The following SNTG1 variants were observed in gnomAD, a reference collection of about 807,000 sequenced individuals.
SNTG1 encodes the protein syntrophin gamma 1, also known as gamma-1-syntrophin.
Under a neutral mutation model 74.7 loss-of-function variants are expected in SNTG1, and 39 were observed. The observed-to-expected ratio is 0.52, with a 90% CI of 0.40 to 0.68. The LOEUF (loss-of-function observed/expected upper bound fraction) is 0.68. Ranked by LOEUF, SNTG1 falls within the 30% of genes least tolerant of loss-of-function variation. The pLI is 0.00. For missense variants in SNTG1, 685 were observed against 609.5 expected (o/e 1.12, Z -1.30); for synonymous variants, 254 against 217.1 (o/e 1.17, Z -1.49).
chr8:50,164,092 C>CTTTTTTTTTTTTTTTTTTTTTT (rs3086088), intron 1 of SNTG1: 3 of 71,984 alleles, frequency 4.2e-5, no homozygotes, highest in Admixed American at 1.7e-4. Context: ...GACACAATTT[C>CTTTTTTTTTTTTTTTTTTTTTT]TTTTTTTTTT....
At chr8:50,755,704 A>G (rs557541315) in intron 18 of SNTG1, among the ~76,000 whole-genome samples, 1 of 151,860 alleles carries the variant, frequency 6.6e-6, no homozygotes, top group Non-Finnish European at 1.5e-5. Flanking sequence ...TAATTGTAGA[A>G]CTTTCCATCT....
chr8:50,594,266 T>A (rs2094712216), intron 13 of SNTG1, among the ~76,000 whole-genome samples: 1 of 152,164 alleles, frequency 6.6e-6, no homozygotes, highest in South Asian at 2.1e-4. Context: ...ATTATGTGTG[T>A]CATTTTTACT....
chr8:49,986,861 C>T (rs1813208896), intron 1 of SNTG1, among the ~76,000 whole-genome samples: 1 of 152,038 alleles, frequency 6.6e-6, no homozygotes, highest in Non-Finnish European at 1.5e-5. Flanking sequence ...CAGAGTGAGC[C>T]ACGGTCTCAA....
intron 18 of SNTG1, among the ~76,000 whole-genome samples, chr8:50,789,187 C>T (rs571834676): frequency 6.6e-6 from 1 of 151,978 alleles, no homozygotes; most frequent in East Asian, 1.9e-4. Flanking sequence ...GTTTCCACTT[C>T]TCCATAAAAC....
chr8:50,142,447 T>C (rs191228941), intron 1 of SNTG1, among the ~76,000 whole-genome samples: 2 of 149,720 alleles, frequency 1.3e-5, no homozygotes, highest in East Asian at 3.9e-4. Context: ...GCTTTTTACT[T>C]TTTAACACAA....
intron 13 of SNTG1, among the ~76,000 whole-genome samples, chr8:50,642,652 A>T (rs867122022): frequency 6.6e-6 from 1 of 152,174 alleles, no homozygotes; most frequent in Middle Eastern, 3.4e-3. Flanking sequence ...CAGGTAACTC[A>T]CTTCCTTTAA....
intron 2 of SNTG1, among the ~76,000 whole-genome samples, chr8:50,368,797 T>C (rs1008314268): frequency 2.0e-5 from 3 of 152,186 alleles, no homozygotes; most frequent in Admixed American, 1.3e-4. Context: ...TTTAATGAAA[T>C]TGCCCTTGCT....
chr8:50,201,472 T>C (rs892652202), intron 2 of SNTG1, among the ~76,000 whole-genome samples: 1 of 152,200 alleles, frequency 6.6e-6, no homozygotes, highest in African/African-American at 2.4e-5. Context: ...AATATTAGTA[T>C]GTCATTATTA....
At chr8:50,455,326 T>C (rs147114448) in intron 8 of SNTG1, among the ~76,000 whole-genome samples, 2,235 of 152,268 alleles carry the variant, frequency 0.015, 23 homozygotes, top group Non-Finnish European at 0.021. Context: ...TTGAGATTTA[T>C]GGGTTTCAAA....
At chr8:50,393,359 CT>C (rs1168303394) in intron 2 of SNTG1, among the ~76,000 whole-genome samples, 5 of 152,126 alleles carry the variant, frequency 3.3e-5, no homozygotes, top group Non-Finnish European at 5.9e-5. Flanking sequence ...TAATAGTTTA[CT>C]CTTCCAAAGG....
intron 1 of SNTG1, among the ~76,000 whole-genome samples, chr8:50,104,355 G>T: frequency 6.6e-6 from 1 of 152,170 alleles, no homozygotes; most frequent in East Asian, 1.9e-4. Context: ...GCATAGAGGT[G>T]TTTGAAGTAT....
At chr8:50,489,000 T>C (rs2131866521) in intron 8 of SNTG1, among the ~76,000 whole-genome samples, 1 of 152,146 alleles carries the variant, frequency 6.6e-6, no homozygotes, top group Admixed American at 6.5e-5. Context: ...ATTGTTCAAC[T>C]CTCATTTATG....
intron 1 of SNTG1, among the ~76,000 whole-genome samples, chr8:50,115,577 A>AAAAAAAAAAAAAAAAAAAAC (rs1554580686): frequency 4.4e-5 from 5 of 112,952 alleles, no homozygotes; most frequent in Admixed American, 1.0e-4. Context: ...CAAAAAAAAA[A>AAAAAAAAAAAAAAAAAAAAC]AAAAAAAAAA....
intron 5 of SNTG1, among the ~76,000 whole-genome samples, chr8:50,441,180 T>G (rs2093354620): frequency 6.6e-6 from 1 of 152,166 alleles, no homozygotes; most frequent in African/African-American, 2.4e-5. Flanking sequence ...CTGTGGGCTG[T>G]GGGCAACATG....
chr8:50,560,461 A>T (rs1297404620), intron 12 of SNTG1, among the ~76,000 whole-genome samples: 1 of 152,230 alleles, frequency 6.6e-6, no homozygotes, highest in Non-Finnish European at 1.5e-5. Context: ...AGGACATTGA[A>T]TCAACCCAAA....
chr8:50,329,018 T>C (rs2090859485), intron 2 of SNTG1, among the ~76,000 whole-genome samples: 1 of 152,158 alleles, frequency 6.6e-6, no homozygotes, highest in African/African-American at 2.4e-5. Context: ...AAAAGAGCTA[T>C]AAGTCCCATG....
rs750793356 is a variant in SNTG1, at chr8:50,792,693, T to A, written c.1418T>A (p.Phe473Tyr). The A allele has an allele frequency of 1.2e-6, 2 of 1,610,692 alleles. No individual in the cohort carries two copies. The highest frequency in any genetic ancestry group is 3.4e-5 in the Admixed American group (2 of 59,682). Residue 473 changes from phenylalanine to tyrosine, a missense_variant, in exon 19 of 19, where the codon TTT (phenylalanine) becomes TAT (tyrosine). Coordinates refer to ENST00000642720, the MANE Select transcript of SNTG1 (RefSeq NM_018967.5). ...CAGGAGTTGGAATTTTCTAATTTAT[T>A]TGCTGTTCTTCACTGCATTCATTCC... Reference protein sequence around the residue: ...EAKELEFSNLFAVLHCIHSFF... With the variant: ...EAKELEFSNLYAVLHCIHSFF...
At chr8:50,412,427 CTTA>C (rs2092961066) in intron 4 of SNTG1, among the ~76,000 whole-genome samples, 2 of 152,040 alleles carry the variant, frequency 1.3e-5, no homozygotes. Context: ...ATTTCTGATT[CTTA>C]TTATTATGTT....
In SNTG1 at chr8:50,311,326, G is replaced by A. The variant is rs572548542; in HGVS notation, c.-27-82886G>A. On this transcript the variant is annotated intron_variant, in intron 2 of 18. Transcript: ENST00000642720. ...CACACAGTGTGCCACTTTAGGAAAG[G>A]TTATGTTCCGTTGTAGACAGCAATA... Among the ~76,000 whole-genome samples, 31 of 152,234 alleles carry A rather than the reference G, an allele frequency of 2.0e-4. No homozygotes were observed. The South Asian group carries it at 4.2e-3, about 20-fold the overall frequency.
Sources: allele counts gnomAD v4.1 joint callset (sites outside exome capture counted in the v4.1 genomes callset), GRCh38; gene constraint gnomAD v4.1.1; transcripts MANE v1.5; gene names NCBI Gene and HGNC (gene_info 2026-07-23, HGNC 2026-07-21).